The following PTPRD variants were observed in gnomAD, a reference collection of about 807,000 sequenced individuals.
PTPRD encodes protein tyrosine phosphatase receptor type D, also known as receptor-type tyrosine-protein phosphatase delta.
A neutral mutation model predicts 214.5 loss-of-function variants in PTPRD; 34 were observed. That is an observed-to-expected ratio of 0.16 (90% CI 0.12 to 0.21). The LOEUF is 0.21. PTPRD is among the 10% of genes least tolerant of loss of function. PTPRD has a pLI of 1.00. For missense variants in PTPRD, 2,545 were observed against 2,398.7 expected (o/e 1.06, Z -1.27); for synonymous variants, 1,128 against 845.7 (o/e 1.33, Z -5.79).
At chr9:9,046,007 T>C (rs2099671258) in intron 10 of PTPRD, among the ~76,000 whole-genome samples, 1 of 152,176 alleles carries the variant, frequency 6.6e-6, no homozygotes, top group East Asian at 1.9e-4. Context: ...GTTTGTTATG[T>C]GCTAGAGAAA....
At chr9:10,181,194 T>C (rs2099280597) in intron 3 of PTPRD, among the ~76,000 whole-genome samples, 2 of 152,092 alleles carry the variant, frequency 1.3e-5, no homozygotes, top group African/African-American at 4.8e-5. Flanking sequence ...GAGCTAAAAA[T>C]AGGAGTTTGT....
chr9:10,013,253 C>T (rs1334243405), intron 4 of PTPRD, among the ~76,000 whole-genome samples: 1 of 151,788 alleles, frequency 6.6e-6, no homozygotes, highest in Admixed American at 6.6e-5. Flanking sequence ...GACATCAGGT[C>T]CCTGGCCTCT....
intron 5 of PTPRD, among the ~76,000 whole-genome samples, chr9:9,868,137 G>A (rs554050106): frequency 6.6e-6 from 1 of 152,240 alleles, no homozygotes; most frequent in South Asian, 2.1e-4. Flanking sequence ...GCTGCTTCAG[G>A]ATTCCAAGCA....
At chr9:9,429,482 G>C (rs2082232258) in intron 8 of PTPRD, among the ~76,000 whole-genome samples, 1 of 152,136 alleles carries the variant, frequency 6.6e-6, no homozygotes, top group African/African-American at 2.4e-5. Context: ...ACAAAGAGGA[G>C]CTGGTACCAT....
chr9:9,540,089 T>C (rs1647660502), intron 8 of PTPRD, among the ~76,000 whole-genome samples: 1 of 151,826 alleles, frequency 6.6e-6, no homozygotes, highest in African/African-American at 2.4e-5. Context: ...AGAAATCCAC[T>C]AAGTTACTAA....
chr9:9,097,386 G>A (rs2099785030), intron 10 of PTPRD, among the ~76,000 whole-genome samples: 1 of 151,468 alleles, frequency 6.6e-6, no homozygotes. Context: ...CCACAGGTTA[G>A]TAGCACACCA....
At chr9:9,827,237 C>T (rs1012759231) in intron 5 of PTPRD, among the ~76,000 whole-genome samples, 11 of 151,964 alleles carry the variant, frequency 7.2e-5, no homozygotes, top group African/African-American at 2.7e-4. Flanking sequence ...GGAGGCATCA[C>T]ACTACCTGAC....
intron 11 of PTPRD, among the ~76,000 whole-genome samples, chr9:9,015,303 T>G (rs182496721): frequency 1.4e-4 from 21 of 152,056 alleles, no homozygotes; most frequent in African/African-American, 4.8e-4. Context: ...CATAAAGACG[T>G]TGCTGATAAA....
chr9:9,569,467 A>G (rs1415191788), intron 8 of PTPRD, among the ~76,000 whole-genome samples: 1 of 151,794 alleles, frequency 6.6e-6, no homozygotes, highest in Non-Finnish European at 1.5e-5. Context: ...TCAGCTTTAC[A>G]ATAAAATCCC....
At chr9:10,409,792 C>T (rs1013331648) in intron 2 of PTPRD, among the ~76,000 whole-genome samples, 32 of 151,770 alleles carry the variant, frequency 2.1e-4, no homozygotes, top group African/African-American at 7.2e-4. Flanking sequence ...CACTCAGAAG[C>T]GGCCCATAGA....
chr9:10,077,324 T>C (rs149877102), intron 3 of PTPRD, among the ~76,000 whole-genome samples: 87 of 152,308 alleles, frequency 5.7e-4, no homozygotes, highest in Non-Finnish European at 9.1e-4. Flanking sequence ...CAGTAATTCA[T>C]GCAAATGTAC....
chr9:8,949,507 ACGCCTTTG>A (rs2099090357), intron 11 of PTPRD, among the ~76,000 whole-genome samples: 1 of 14,210 alleles, frequency 7.0e-5, no homozygotes, highest in African/African-American at 8.6e-5. Flanking sequence ...CATTTACATA[ACGCCTTTG>A]AAAGGTCCCT....
At chr9:9,761,115 G>C (rs2098651758) in intron 6 of PTPRD, among the ~76,000 whole-genome samples, 1 of 152,150 alleles carries the variant, frequency 6.6e-6, no homozygotes, top group South Asian at 2.1e-4. Flanking sequence ...TTATACATTA[G>C]TGTAACAGAC....
chr9:10,504,397 A>C (rs1423319505), intron 2 of PTPRD, among the ~76,000 whole-genome samples: 1 of 152,152 alleles, frequency 6.6e-6, no homozygotes, highest in Non-Finnish European at 1.5e-5. Flanking sequence ...TACTCTGCTT[A>C]GTAGGCTTCT....
chr9:10,222,648 C>T (rs995627386), intron 3 of PTPRD, among the ~76,000 whole-genome samples: 3 of 151,978 alleles, frequency 2.0e-5, no homozygotes, highest in Non-Finnish European at 2.9e-5. Context: ...GAACAGAAAT[C>T]GTAAATGCTC....
At chr9:10,155,535 G>C (rs939068757) in intron 3 of PTPRD, among the ~76,000 whole-genome samples, 1 of 152,120 alleles carries the variant, frequency 6.6e-6, no homozygotes, top group African/African-American at 2.4e-5. Flanking sequence ...CAGTTTTCAA[G>C]GGGAATGCTT....
intron 3 of PTPRD, among the ~76,000 whole-genome samples, chr9:10,245,856 G>A (rs1300521763): frequency 6.6e-6 from 1 of 152,080 alleles, no homozygotes; most frequent in African/African-American, 2.4e-5. Context: ...TATCAAGTAA[G>A]GGATTTTCTT....
chr9:8,937,825 A>T (rs2099007673), intron 11 of PTPRD, among the ~76,000 whole-genome samples: 1 of 152,196 alleles, frequency 6.6e-6, no homozygotes, highest in African/African-American at 2.4e-5. Context: ...AAGGGTCAAG[A>T]ATCTTGTGGC....
intron 5 of PTPRD, among the ~76,000 whole-genome samples, chr9:9,909,585 G>A (rs766613126): frequency 1.3e-5 from 2 of 151,852 alleles, no homozygotes; most frequent in Non-Finnish European, 2.9e-5. Flanking sequence ...ACTGTAAAAT[G>A]TATAAAATAT....
Sources: gnomAD v4.1 joint callset for allele counts (sites outside exome capture counted in the v4.1 genomes callset) on GRCh38, gnomAD v4.1.1 for gene constraint, MANE v1.5 for transcripts, NCBI Gene and HGNC (gene_info 2026-07-23, HGNC 2026-07-21) for gene names.